Variants in PIGK observed in about 807,000 individuals in gnomAD.
The protein encoded by PIGK is phosphatidylinositol glycan anchor biosynthesis class K.
Under a neutral mutation model 50.6 loss-of-function variants are expected in PIGK, and 42 were observed. The observed-to-expected ratio is 0.83, with a 90% CI of 0.65 to 1.07. The LOEUF (loss-of-function observed/expected upper bound fraction) is 1.07. Ranked by LOEUF, PIGK falls within the 50% of genes least tolerant of loss-of-function variation. The pLI, the probability that PIGK is intolerant of heterozygous loss-of-function variation, is 0.00. For synonymous variants in PIGK, 151 were observed against 156.0 expected (o/e 0.97, Z 0.24); for missense variants, 448 against 488.7 (o/e 0.92, Z 0.78).
At chr1:77,097,068 T>A (rs888382253) in intron 10 of PIGK, among the ~76,000 whole-genome samples, 9 of 151,956 alleles carry the variant, frequency 5.9e-5, no homozygotes, top group African/African-American at 2.2e-4. Context: ...ATATACACCA[T>A]GGAATACTAT....
chr1:77,161,410 G>GAAAA lies in PIGK; in HGVS notation c.703-6_703-5insTTTT. On this transcript the variant is annotated splice_polypyrimidine_tract_variant and splice_region_variant and intron_variant, in intron 7 of 10. Transcript: ENST00000370812. ...AATTGCAGGATCAGGTTGATGCTAT[G>GAAAA]GAAAGGGGGAAAAAAAGTATTTCTA... 6.8e-7 allele frequency: 1 copy of GAAAA among 1,461,468 alleles called. No individual in the cohort carries two copies. Among genetic ancestry groups the GAAAA allele is most frequent in the South Asian group, 1.1e-5 (1 of 87,504 alleles). The allele number at this position is 1,461,468 out of a possible 1,614,324, so 90.5% of individuals were successfully genotyped here. A position where few individuals can be genotyped will look rare whatever the true frequency, so the allele number is the denominator to read the frequency against.
intron 5 of PIGK, among the ~76,000 whole-genome samples, chr1:77,164,385 G>A (rs1655192574): frequency 6.6e-6 from 1 of 152,122 alleles, no homozygotes; most frequent in African/African-American, 2.4e-5. Context: ...GGATTCAAAT[G>A]GTAACTATGC....
intron 9 of PIGK, among the ~76,000 whole-genome samples, chr1:77,148,788 T>C (rs566987625): frequency 8.6e-5 from 13 of 151,986 alleles, no homozygotes; most frequent in African/African-American, 2.7e-4. Context: ...GATCTCGGCT[T>C]ACTGCAGCCC....
At chr1:77,095,913 C>A (rs558171101) in intron 10 of PIGK, among the ~76,000 whole-genome samples, 1 of 151,914 alleles carries the variant, frequency 6.6e-6, no homozygotes, top group Admixed American at 6.6e-5. Flanking sequence ...TGGCAAATAC[C>A]AACAGTGTCC....
chr1:77,108,473 G>A (rs1029218365), intron 10 of PIGK, among the ~76,000 whole-genome samples: 13 of 152,172 alleles, frequency 8.5e-5, no homozygotes, highest in Non-Finnish European at 1.8e-4. Context: ...TTAGTCTGAT[G>A]GGCTTCCCTT....
chr1:77,181,668 T>A (rs1655617424), intron 3 of PIGK, among the ~76,000 whole-genome samples: 1 of 152,162 alleles, frequency 6.6e-6, no homozygotes, highest in South Asian at 2.1e-4. Flanking sequence ...GTCACAGGAA[T>A]CTCTGATGCC....
chr1:77,166,935 A>T lies in PIGK; in HGVS notation c.376-105T>A, dbSNP rs570170959. 9.6e-5 allele frequency: 61 copies of T among 632,526 alleles called. No homozygotes were observed. In the South Asian group the frequency reaches 1.2e-3, roughly 13 times the overall value. 39.2% of individuals were successfully genotyped at this position (632,526 alleles called of 1,614,324 possible). A position where few individuals can be genotyped will look rare whatever the true frequency, so the allele number is the denominator to read the frequency against. On this transcript the variant is annotated intron_variant, in intron 4 of 10. Transcript: ENST00000370812. ...GTTCATTGTTCTTTCTCCATATATT[A>T]CTCAGCACCAACTGAAAATAAAACA...
intron 9 of PIGK, among the ~76,000 whole-genome samples, chr1:77,142,862 C>G (rs1654679255): frequency 6.6e-6 from 1 of 151,808 alleles, no homozygotes; most frequent in Admixed American, 6.6e-5. Context: ...ATTGGGAACC[C>G]AAAAAAAGCA....
intron 9 of PIGK, among the ~76,000 whole-genome samples, chr1:77,138,737 A>T (rs1654578212): frequency 6.6e-6 from 1 of 152,112 alleles, no homozygotes; most frequent in Non-Finnish European, 1.5e-5. Flanking sequence ...GAACATGAAC[A>T]CCTTAATCCG....
chr1:77,163,787 G>T (rs537859101), intron 6 of PIGK, 59 bp downstream of exon 6: 3 of 879,668 alleles, frequency 3.4e-6, no homozygotes, highest in South Asian at 3.2e-5. Context: ...ACAAATCTAC[G>T]AACCATGTGA....
At chr1:77,161,757 T>C (rs1287813930) in intron 6 of PIGK, 46 bp from the exon 7 acceptor site, 1 of 796,204 alleles carries the variant, frequency 1.3e-6, no homozygotes. Flanking sequence ...ATGCTGTAAA[T>C]CATACACTAA....
intron 10 of PIGK, among the ~76,000 whole-genome samples, chr1:77,096,314 T>G (rs1653403972): frequency 6.6e-6 from 1 of 152,172 alleles, no homozygotes; most frequent in Non-Finnish European, 1.5e-5. Flanking sequence ...TTACCCATTC[T>G]TGGCTGTGTC....
At chr1:77,126,741 G>A (rs1253279981) in intron 9 of PIGK, among the ~76,000 whole-genome samples, 4 of 152,084 alleles carry the variant, frequency 2.6e-5, no homozygotes, top group East Asian at 1.9e-4. Flanking sequence ...AATTCAGAAT[G>A]AGAAAACTAC....
intron 6 of PIGK, among the ~76,000 whole-genome samples, chr1:77,162,741 C>T (rs1220826969): frequency 6.6e-6 from 1 of 151,548 alleles, no homozygotes; most frequent in Non-Finnish European, 1.5e-5. Context: ...AATCTTGAAC[C>T]ACAGTATCAT....
At chr1:77,157,500 G>A (rs941015814) in intron 8 of PIGK, among the ~76,000 whole-genome samples, 9 of 151,968 alleles carry the variant, frequency 5.9e-5, no homozygotes, top group East Asian at 1.9e-4. Context: ...TTAAACTTTC[G>A]AGATAGCATG....
chr1:77,214,042 A>C (rs1429399717), intron 1 of PIGK, among the ~76,000 whole-genome samples: 2 of 152,212 alleles, frequency 1.3e-5, no homozygotes, highest in Non-Finnish European at 2.9e-5. Context: ...CAGTAATAAA[A>C]GTCCCTCAAT....
At chr1:77,145,873 C>T (rs1353980035) in intron 9 of PIGK, among the ~76,000 whole-genome samples, 1 of 151,748 alleles carries the variant, frequency 6.6e-6, no homozygotes, top group East Asian at 1.9e-4. Context: ...AAATAAAGTC[C>T]AGAAATAGAC....
intron 10 of PIGK, among the ~76,000 whole-genome samples, chr1:77,099,852 ACTC>A (rs898647961): frequency 6.2e-5 from 9 of 145,968 alleles, no homozygotes; most frequent in Non-Finnish European, 1.1e-4. Context: ...CATTAAATGC[ACTC>A]CTCTTTTTTT....
intron 3 of PIGK, among the ~76,000 whole-genome samples, chr1:77,189,681 T>G: frequency 7.6e-6 from 1 of 131,170 alleles, no homozygotes; most frequent in African/African-American, 2.9e-5. Flanking sequence ...ATTGTGTGAG[T>G]TAACAATAAA....
Sources: gnomAD v4.1 joint callset for allele counts (sites outside exome capture counted in the v4.1 genomes callset) on GRCh38, gnomAD v4.1.1 for gene constraint, MANE v1.5 for transcripts, NCBI Gene and HGNC (gene_info 2026-07-23, HGNC 2026-07-21) for gene names.